The following ILRUN variants were observed in gnomAD, a reference collection of about 807,000 sequenced individuals.
ILRUN encodes protein ILRUN.
ILRUN carries 3 observed loss-of-function variants against 33.8 expected under a neutral mutation model. The observed-to-expected ratio is 0.09, with a 90% CI of 0.04 to 0.23. ILRUN has a LOEUF of 0.23. Among genes scored for constraint, ILRUN ranks in the 10% least tolerant of loss-of-function variants. ILRUN has a pLI of 1.00. For missense variants in ILRUN, 210 were observed against 375.1 expected (o/e 0.56, Z 3.64); for synonymous variants, 124 against 138.9 (o/e 0.89, Z 0.75).
chr6:34,694,145 G>A (rs1404414922), intron 1 of ILRUN, among the ~76,000 whole-genome samples: 5 of 152,038 alleles, frequency 3.3e-5, no homozygotes, highest in Non-Finnish European at 5.9e-5. Flanking sequence ...TCCACACTGG[G>A]CCTCACCTAT....
At position 34,592,019 on chromosome 6, in the gene ILRUN, T is replaced by A. The variant is rs117301221; in HGVS notation, c.862-1419A>T. Among the ~76,000 whole-genome samples, 18 of 152,212 alleles carry A rather than the reference T, an allele frequency of 1.2e-4. No individual in the cohort carries two copies. The East Asian group carries it at 3.5e-3, about 29-fold the overall frequency. ...AAAGACACACCAAGATGTGCCAACA[T>A]CAAAAGCAGCTACACAAACCACGAA... is the stretch of plus-strand genomic sequence containing the variant. On this transcript the variant is annotated intron_variant, in intron 4 of 4. Coordinates refer to ENST00000374023, the MANE Select transcript of ILRUN (RefSeq NM_024294.4). The surrounding 1 kb of genome is among the most constrained non-coding windows in gnomAD (Gnocchi z 4.0).
At position 34,588,310 on chromosome 6, in the gene ILRUN, C is replaced by T; in HGVS notation, c.*2255G>A. 2.5e-6 allele frequency: 1 copy of T among 398,282 alleles called. No homozygotes were observed. The highest frequency in any genetic ancestry group is 4.4e-6 in the Non-Finnish European group (1 of 226,028). The allele number at this position is 398,282 out of a possible 1,614,324, so 24.7% of individuals were successfully genotyped here. ...AAGAGGAAGAGCAAGACGACTCTGG[C>T]AGGCCCAGACCCACTGACGGTGGCC... On this transcript the variant is annotated 3_prime_UTR_variant, in exon 5 of 5. Coordinates refer to ENST00000374023, the MANE Select transcript of ILRUN (RefSeq NM_024294.4).
rs1173425196 is a variant in ILRUN, at chr6:34,614,473, T to TA, written c.512-7570_512-7569insT. Among the ~76,000 whole-genome samples the TA allele has an allele frequency of 5.2e-3, 728 of 140,114 alleles. 18 individuals carry two copies. Among genetic ancestry groups the TA allele is most frequent in the African/African-American group, 0.019 (695 of 35,834 alleles). The allele number at this position is 140,114 out of a possible 152,430, so 91.9% of individuals were successfully genotyped here. A position where few individuals can be genotyped will look rare whatever the true frequency, so the allele number is the denominator to read the frequency against. ...ATATATATAAAATGTATATTATATATTTTTTATATATTATTATATATATTA... is the reference window on the plus strand; with the variant it reads ...ATATATATAAAATGTATATTATATATATTTTTATATATTATTATATATATTA... On this transcript the variant is annotated intron_variant, in intron 3 of 4. Coordinates refer to ENST00000374023, the MANE Select transcript of ILRUN (RefSeq NM_024294.4).
At chr6:34,683,473 C>CATATATATATACATATAT (rs1174245644) in intron 1 of ILRUN, among the ~76,000 whole-genome samples, 4 of 97,816 alleles carry the variant, frequency 4.1e-5, no homozygotes, top group African/African-American at 2.0e-4. Context: ...CATATATATA[C>CATATATATATACATATAT]ACATATATAT....
intron 3 of ILRUN, among the ~76,000 whole-genome samples, chr6:34,632,333 A>G (rs1208644900): frequency 1.3e-5 from 2 of 152,088 alleles, no homozygotes; most frequent in Non-Finnish European, 2.9e-5. Flanking sequence ...CCTAGCTACT[A>G]GAGAGGCTGA....
Position 34,599,594 on chromosome 6 carries a change from TAATC to T in ILRUN, c.861+6957_861+6960del, listed in dbSNP as rs1483745998. Among the ~76,000 whole-genome samples the T allele has an allele frequency of 3.9e-5, 6 of 152,310 alleles. No homozygotes were observed. In the South Asian group the frequency reaches 8.3e-4, roughly 21 times the overall value. Reference sequence around the variant, plus strand: ...AACTGGCCCAAAATGTCAACAGTCTTAATCAGTCAGCTAAGAAACCCTGACCTCC... The same window carrying T: ...AACTGGCCCAAAATGTCAACAGTCTTAGTCAGCTAAGAAACCCTGACCTCC... On this transcript the variant is annotated intron_variant, in intron 4 of 4. Coordinates refer to ENST00000374023, the MANE Select transcript of ILRUN (RefSeq NM_024294.4).
At chr6:34,616,666 A>C in intron 3 of ILRUN, 1 of 1,145,228 alleles carries the variant, frequency 8.7e-7, no homozygotes, top group Non-Finnish European at 1.3e-6. Flanking sequence ...TTTGAAAGGC[A>C]AGGAGGAAGC....
intron 1 of ILRUN, among the ~76,000 whole-genome samples, chr6:34,694,061 T>C (rs1763704890): frequency 6.6e-6 from 1 of 152,110 alleles, no homozygotes; most frequent in Non-Finnish European, 1.5e-5. Context: ...ACTCAAGTGA[T>C]CCTCCTGCCT....
Position 34,588,432 on chromosome 6 carries a change from C to T in ILRUN, c.*2133G>A, listed in dbSNP as rs1331614116. On this transcript the variant is annotated 3_prime_UTR_variant, in exon 5 of 5. Coordinates refer to ENST00000374023, the MANE Select transcript of ILRUN (RefSeq NM_024294.4). ...GGTTGTGAAGCCTCCCACAATCCTG[C>T]CAGGGACAGTGGAGATGTGCTGCTT... is the stretch of plus-strand genomic sequence containing the variant. 5 of 392,274 alleles carry T rather than the reference C, an allele frequency of 1.3e-5. No homozygotes were observed. Among genetic ancestry groups the T allele is most frequent in the Non-Finnish European group, 4.5e-6 (1 of 222,622 alleles). The allele number at this position is 392,274 out of a possible 1,614,324, so 24.3% of individuals were successfully genotyped here.
At chr6:34,657,227 T>C (rs558347410) in intron 1 of ILRUN, among the ~76,000 whole-genome samples, 2 of 152,370 alleles carry the variant, frequency 1.3e-5, no homozygotes, top group East Asian at 3.9e-4. Context: ...GCCTGCTGAA[T>C]TGTTTTCTGT....
chr6:34,610,554 A>G (rs1456048562), intron 3 of ILRUN, among the ~76,000 whole-genome samples: 1 of 152,268 alleles, frequency 6.6e-6, no homozygotes, highest in Non-Finnish European at 1.5e-5. Context: ...TCTGACACTC[A>G]AAAGAAAATC....
In ILRUN at chr6:34,589,231, TGCC is replaced by T. The variant is rs1299092680; in HGVS notation, c.*1331_*1333del. 1 of 152,534 alleles carries T rather than the reference TGCC, an allele frequency of 6.6e-6. No individual in the cohort carries two copies. The highest frequency in any genetic ancestry group is 1.5e-5 in the Non-Finnish European group (1 of 68,060). The allele number at this position is 152,534 out of a possible 1,614,324, so 9.4% of individuals were successfully genotyped here. ...CTCAACCTGCTCAGAATCTACAGGA[TGCC>T]AGGGCAGGCCACCTGCCTGAGTGAG... On this transcript the variant is annotated 3_prime_UTR_variant, in exon 5 of 5. Transcript: ENST00000374023.
intron 1 of ILRUN, among the ~76,000 whole-genome samples, chr6:34,664,002 TGAA>T (rs914898116): frequency 2.0e-5 from 3 of 152,108 alleles, no homozygotes; most frequent in East Asian, 1.9e-4. Context: ...GACTCAGCTT[TGAA>T]GAAGGAGAAA....
At chr6:34,671,242 C>A (rs1446479409) in intron 1 of ILRUN, among the ~76,000 whole-genome samples, 2 of 152,008 alleles carry the variant, frequency 1.3e-5, no homozygotes, top group African/African-American at 4.8e-5. Context: ...ACAAAGTAGC[C>A]AGGTGTGGTG....
chr6:34,616,593 A>T (rs1224980105), intron 3 of ILRUN: 7 of 1,571,222 alleles, frequency 4.5e-6, no homozygotes, highest in Non-Finnish European at 6.0e-6. Context: ...CTTAAGAAAA[A>T]GCGAAGGAAT....
At chr6:34,615,237 C>G (rs1408012843) in intron 3 of ILRUN, among the ~76,000 whole-genome samples, 1 of 152,126 alleles carries the variant, frequency 6.6e-6, no homozygotes, top group Non-Finnish European at 1.5e-5. Context: ...CTAATTATTA[C>G]AAAACATACA....
chr6:34,682,262 T>TTTTGTTTTGTTTTG (rs1562032017), intron 1 of ILRUN, among the ~76,000 whole-genome samples: 1 of 133,058 alleles, frequency 7.5e-6, no homozygotes, highest in African/African-American at 3.0e-5. Context: ...TTTTTTTTTT[T>TTTTGTTTTGTTTTG]TTTTTTTTTT....
intron 1 of ILRUN, among the ~76,000 whole-genome samples, chr6:34,655,946 T>C (rs1425095466): frequency 6.6e-6 from 1 of 152,092 alleles, no homozygotes; most frequent in African/African-American, 2.4e-5. Flanking sequence ...TAAGAGCCAT[T>C]TGTAAAGGCT....
At chr6:34,663,475 A>C (rs2127372433) in intron 1 of ILRUN, among the ~76,000 whole-genome samples, 1 of 152,234 alleles carries the variant, frequency 6.6e-6, no homozygotes, top group African/African-American at 2.4e-5. Flanking sequence ...AGAGCACCTA[A>C]AGGTTTCTAA....
Sources: gnomAD v4.1 joint callset for allele counts (sites outside exome capture counted in the v4.1 genomes callset) on GRCh38, gnomAD v4.1.1 for gene constraint, Gnocchi (gnomAD v3.1) non-coding constraint, MANE v1.5 for transcripts, NCBI Gene and HGNC (gene_info 2026-07-23, HGNC 2026-07-21) for gene names.